Variants in RBFOX3 observed in about 807,000 individuals in gnomAD.
RBFOX3 encodes the protein RNA binding protein fox-1 homolog 3.
Under a neutral mutation model 48.7 loss-of-function variants are expected in RBFOX3, and 17 were observed. The ratio of observed to expected loss-of-function variants is 0.35; its 90% confidence interval spans 0.24 to 0.52. The LOEUF is 0.52. RBFOX3 is among the 20% of genes least tolerant of loss of function. RBFOX3 has a pLI of 0.94. For missense variants in RBFOX3, 382 were observed against 497.5 expected, an observed-to-expected ratio of 0.77 and a Z score of 2.21; for synonymous variants, 212 against 209.5, an observed-to-expected ratio of 1.01 and a Z score of -0.10.
intron 1 of RBFOX3, among the ~76,000 whole-genome samples, chr17:79,523,976 C>T (rs1278772234): frequency 6.6e-6 from 1 of 152,100 alleles, no homozygotes; most frequent in Non-Finnish European, 1.5e-5. Context: ...AGTGGAGGTT[C>T]GGGTTTCTGT....
chr17:79,097,614 C>A lies in RBFOX3; in HGVS notation c.622+78G>T. 2.2e-6 allele frequency: 3 copies of A among 1,351,306 alleles called. No homozygotes were observed. In the South Asian group the frequency reaches 4.0e-5, roughly 18 times the overall value. 83.7% of individuals were successfully genotyped at this position (1,351,306 alleles called of 1,614,324 possible). A position where few individuals can be genotyped will look rare whatever the true frequency, so the allele number is the denominator to read the frequency against. On this transcript the variant is annotated intron_variant, in intron 10 of 14. Transcript: ENST00000693108. The stretch of plus-strand genomic sequence containing the variant: ...GCCCACCTGGCCCCGCCCCTCATGC[C>A]CCGCCCCCAGAGCCCCCGGAGCCCC...
the RBFOX3 span, among the ~76,000 whole-genome samples, chr17:79,664,247 T>C: frequency 6.6e-6 from 1 of 152,020 alleles, no homozygotes; most frequent in East Asian, 1.9e-4. Flanking sequence ...CAATCTCAGC[T>C]CACTGCAACC....
intron 1 of RBFOX3, among the ~76,000 whole-genome samples, chr17:79,541,726 A>G (rs369998357): frequency 1.2e-4 from 18 of 152,138 alleles, no homozygotes; most frequent in African/African-American, 4.3e-4. Context: ...GAGACCGCTC[A>G]CCCCGGAGCA....
intron 2 of RBFOX3, among the ~76,000 whole-genome samples, chr17:79,344,712 G>T (rs1192540916): frequency 1.3e-5 from 2 of 152,064 alleles, no homozygotes; most frequent in African/African-American, 4.8e-5. Context: ...ATGCCACCAT[G>T]CCTGGCTAAT....
intron 4 of RBFOX3, among the ~76,000 whole-genome samples, chr17:79,152,281 G>A (rs1353279853): frequency 6.6e-6 from 1 of 152,118 alleles, no homozygotes; most frequent in East Asian, 1.9e-4. Flanking sequence ...GAGACTTCGG[G>A]GCACCTCCCC....
chr17:79,380,702 T>G (rs950069567), intron 2 of RBFOX3, among the ~76,000 whole-genome samples: 1 of 152,148 alleles, frequency 6.6e-6, no homozygotes, highest in Non-Finnish European at 1.5e-5. Flanking sequence ...TTGGATGCAT[T>G]TGGTGAGCAA....
At chr17:79,493,160 G>A (rs2080948553) in intron 1 of RBFOX3, among the ~76,000 whole-genome samples, 1 of 151,958 alleles carries the variant, frequency 6.6e-6, no homozygotes, top group Admixed American at 6.6e-5. Context: ...GGCAAGAGGG[G>A]AGATGAGGGA....
intron 2 of RBFOX3, among the ~76,000 whole-genome samples, chr17:79,414,477 G>A (rs1179261151): frequency 6.6e-6 from 1 of 152,172 alleles, no homozygotes; most frequent in African/African-American, 2.4e-5. Flanking sequence ...AAATGCGGCG[G>A]GACGGTGCCC....
At chr17:79,291,809 C>T (rs2073321001) in intron 3 of RBFOX3, among the ~76,000 whole-genome samples, 1 of 152,180 alleles carries the variant, frequency 6.6e-6, no homozygotes, top group Non-Finnish European at 1.5e-5. Context: ...TCATGTGGTT[C>T]CCCTCTGTTC....
upstream of RBFOX3, among the ~76,000 whole-genome samples, chr17:79,615,100 A>C (rs2093988943): frequency 6.6e-6 from 1 of 152,146 alleles, no homozygotes; most frequent in Non-Finnish European, 1.5e-5. Context: ...TCCAGGTGCC[A>C]TAAAAAAGAG....
intron 2 of RBFOX3, among the ~76,000 whole-genome samples, chr17:79,428,628 C>T (rs1216072127): frequency 1.3e-5 from 2 of 152,208 alleles, no homozygotes; most frequent in African/African-American, 4.8e-5. Flanking sequence ...GGCAGAGATA[C>T]GGACTGCTCT....
At chr17:79,104,686 G>C (rs2077046788) in intron 6 of RBFOX3, among the ~76,000 whole-genome samples, 1 of 152,206 alleles carries the variant, frequency 6.6e-6, no homozygotes, top group African/African-American at 2.4e-5. Context: ...GGGACAAAGT[G>C]CCACAGAGAA....
intron 3 of RBFOX3, among the ~76,000 whole-genome samples, chr17:79,280,533 CTCACCCCTGCCTT>C (rs1227964218): frequency 3.3e-5 from 5 of 152,232 alleles, no homozygotes; most frequent in Admixed American, 6.5e-5. Context: ...ATGGAGGGGC[CTCACCCCTGCCTT>C]GAGCAACTGG....
chr17:79,116,614 G>A (rs1411265845), intron 4 of RBFOX3, among the ~76,000 whole-genome samples: 2 of 152,256 alleles, frequency 1.3e-5, no homozygotes, highest in African/African-American at 4.8e-5. Context: ...CTGTGCAGAA[G>A]CTGAACTCAG....
rs541320045 is a variant in RBFOX3 at position 79,363,591 on chromosome 17, G to A, written c.-174-55767C>T. Among the ~76,000 whole-genome samples the A allele has an allele frequency of 9.9e-5, 15 of 152,000 alleles. No homozygotes were observed. The highest frequency in any genetic ancestry group is 3.4e-4 in the African/African-American group (14 of 41,424). On this transcript the variant is annotated intron_variant, in intron 2 of 14. Transcript: ENST00000693108. The surrounding 1 kb of genome is among the most constrained non-coding windows in gnomAD (Gnocchi z 4.7). The stretch of plus-strand genomic sequence containing the variant: ...TGCCCAGCTTCCCTGGGGGGTCTCC[G>A]CGAGCAACATACCTCTTACCCAGGG...
intron 4 of RBFOX3, among the ~76,000 whole-genome samples, chr17:79,131,233 C>T (rs1401819599): frequency 6.6e-6 from 1 of 152,122 alleles, no homozygotes; most frequent in African/African-American, 2.4e-5. Context: ...CCTGCGTGTA[C>T]TGTGTGCTCT....
intron 2 of RBFOX3, among the ~76,000 whole-genome samples, chr17:79,402,171 G>A (rs1319063985): frequency 6.6e-6 from 1 of 152,252 alleles, no homozygotes; most frequent in African/African-American, 2.4e-5. Context: ...GAGAGAAGAA[G>A]GGAAGGGGCT....
the RBFOX3 span, among the ~76,000 whole-genome samples, chr17:79,641,418 A>G: frequency 1.1e-4 from 16 of 152,308 alleles, no homozygotes; most frequent in East Asian, 2.3e-3. Flanking sequence ...AAATAGAACT[A>G]CCATATGATC....
At chr17:79,658,794 C>T in the RBFOX3 span, among the ~76,000 whole-genome samples, 1 of 152,120 alleles carries the variant, frequency 6.6e-6, no homozygotes, top group African/African-American at 2.4e-5. Context: ...CATTCATCGG[C>T]CCTGAAAACA....
Sources: allele counts gnomAD v4.1 joint callset (sites outside exome capture counted in the v4.1 genomes callset), GRCh38; gene constraint gnomAD v4.1.1; non-coding constraint Gnocchi (gnomAD v3.1); transcripts MANE v1.5; gene names NCBI Gene and HGNC (gene_info 2026-07-23, HGNC 2026-07-21).